ADI1: variants seen among roughly 807,000 people sequenced by gnomAD.
The protein encoded by ADI1 is acireductone dioxygenase 1.
A neutral mutation model predicts 18.7 loss-of-function variants in ADI1; 21 were observed. The ratio of observed to expected loss-of-function variants is 1.13; its 90% confidence interval spans 0.80 to 1.62. The LOEUF (loss-of-function observed/expected upper bound fraction) is 1.62. Ranked by LOEUF, ADI1 falls within the 40% of genes most tolerant of loss-of-function variation. The pLI is 0.00. For synonymous variants in ADI1, 90 were observed against 100.1 expected, an observed-to-expected ratio of 0.90 and a Z score of 0.60; for missense variants, 245 against 254.9, an observed-to-expected ratio of 0.96 and a Z score of 0.26.
At position 3,513,850 on chromosome 2, in the gene ADI1, C is replaced by T. The variant is rs898889350; in HGVS notation, c.240+7G>A. The T allele has an allele frequency of 6.3e-7, 1 of 1,595,770 alleles. No individual in the cohort carries two copies. Among genetic ancestry groups the T allele is most frequent in the African/African-American group, 1.4e-5 (1 of 73,712 alleles). ...CTTCTTTTCCAGGTAATCCAGGGCTCCCTTACCTTTTCTTCATAATTTGGT... is the reference window on the plus strand; with the variant it reads ...CTTCTTTTCCAGGTAATCCAGGGCTTCCTTACCTTTTCTTCATAATTTGGT... On this transcript the variant is annotated splice_region_variant and intron_variant, in intron 2 of 3. Coordinates refer to ENST00000327435, the MANE Select transcript of ADI1 (RefSeq NM_018269.4).
At chr2:3,510,273 C>T (rs1373874791) in intron 2 of ADI1, among the ~76,000 whole-genome samples, 19 of 151,988 alleles carry the variant, frequency 1.3e-4, no homozygotes. Flanking sequence ...TATGATTGCA[C>T]CACTGCACTT....
chr2:3,519,146 A>G (rs1171394234), intron 1 of ADI1: 12 of 496,242 alleles, frequency 2.4e-5, no homozygotes, highest in Non-Finnish European at 3.1e-5. Context: ...CAGCACACCC[A>G]GGCGCCGCGC....
At chr2:3,519,232 C>A (rs778208196) in intron 1 of ADI1, 136 bp downstream of exon 1, 22 of 1,256,834 alleles carry the variant, frequency 1.8e-5, no homozygotes, top group South Asian at 4.5e-5. Context: ...CCACGAACCC[C>A]CAAATCCCGC....
intron 3 of ADI1, among the ~76,000 whole-genome samples, chr2:3,499,732 T>TGCA (rs1426099694): frequency 6.6e-6 from 1 of 152,118 alleles, no homozygotes; most frequent in African/African-American, 2.4e-5. Context: ...CAGAGTACTG[T>TGCA]GCAGCTGTAA....
At chr2:3,500,700 C>A (rs556800258) in intron 3 of ADI1, 114 bp downstream of exon 3, 1 of 1,402,034 alleles carries the variant, frequency 7.1e-7, no homozygotes, top group Admixed American at 1.9e-5. Flanking sequence ...CGAGGAGTCC[C>A]GAGCCCAGCG....
At position 3,502,029 on chromosome 2, in the gene ADI1, ACACACACACACAC is replaced by A. The variant is rs1355329872; in HGVS notation, c.241-1049_241-1037del. Among the ~76,000 whole-genome samples, 68 of 102,710 alleles carry A rather than the reference ACACACACACACAC, an allele frequency of 6.6e-4. 1 individual carries two copies. Among genetic ancestry groups the A allele is most frequent in the East Asian group, 1.6e-3 (6 of 3,860 alleles). The allele number at this position is 102,710 out of a possible 152,430, so 67.4% of individuals were successfully genotyped here. The stretch of plus-strand genomic sequence containing the variant: ...CACACACACACACACACACACACAC[ACACACACACACAC>A]AGAGACAGGGTTTCACTCTGTTGCT... On this transcript the variant is annotated intron_variant, in intron 2 of 3. Transcript: ENST00000327435.
chr2:3,515,496 G>C (rs1247897307), intron 1 of ADI1: 2 of 152,418 alleles, frequency 1.3e-5, no homozygotes, highest in East Asian at 1.9e-4. Flanking sequence ...AATATGTGCA[G>C]CACTGAACAT....
chr2:3,501,356 C>T (rs980100646), intron 2 of ADI1, among the ~76,000 whole-genome samples: 2 of 152,024 alleles, frequency 1.3e-5, no homozygotes, highest in Admixed American at 6.5e-5. Context: ...AAGTCACTGG[C>T]CCAACCTCAC....
At chr2:3,503,222 C>T (rs890295393) in intron 2 of ADI1, among the ~76,000 whole-genome samples, 4 of 107,324 alleles carry the variant, frequency 3.7e-5, no homozygotes, top group African/African-American at 1.5e-4. Flanking sequence ...CATGCACACA[C>T]GTAACACTCT....
At chr2:3,513,434 G>C (rs1303858789) in intron 2 of ADI1, among the ~76,000 whole-genome samples, 1 of 152,196 alleles carries the variant, frequency 6.6e-6, no homozygotes, top group Non-Finnish European at 1.5e-5. Context: ...GAGGTGACTG[G>C]ATCATGAGGG....
At chr2:3,511,894 A>G (rs1193233416) in intron 2 of ADI1, among the ~76,000 whole-genome samples, 1 of 152,246 alleles carries the variant, frequency 6.6e-6, no homozygotes, top group Non-Finnish European at 1.5e-5. Context: ...CGTTTGCCTC[A>G]GCAAAGAACT....
intron 2 of ADI1, among the ~76,000 whole-genome samples, chr2:3,509,537 A>G (rs1052026148): frequency 1.3e-5 from 2 of 152,256 alleles, no homozygotes; most frequent in African/African-American, 4.8e-5. Context: ...AAATCCTCAA[A>G]TAATTGGAAA....
chr2:3,505,831 A>C (rs1304891200), intron 2 of ADI1, among the ~76,000 whole-genome samples: 1 of 152,152 alleles, frequency 6.6e-6, no homozygotes, highest in African/African-American at 2.4e-5. Context: ...ATGAGGGTGG[A>C]GCCCTCATGA....
chr2:3,500,690 C>G, intron 3 of ADI1, 124 bp downstream of exon 3: 1 of 1,257,936 alleles, frequency 7.9e-7, no homozygotes, highest in East Asian at 2.5e-5. Context: ...AAGCACAGGT[C>G]GAGGAGTCCC....
intron 3 of ADI1, chr2:3,500,527 GCCGCCGCATGTA>G: frequency 1.1e-5 from 2 of 183,182 alleles, no homozygotes; most frequent in South Asian, 1.3e-4. Context: ...GTGTGTACCT[GCCGCCGCATGTA>G]CCTGCCGCCG....
intron 3 of ADI1, among the ~76,000 whole-genome samples, chr2:3,499,600 G>C (rs144991849): frequency 1.3e-5 from 2 of 152,254 alleles, no homozygotes; most frequent in African/African-American, 4.8e-5. Context: ...GCATGTAAGG[G>C]TATTTATTAC....
intron 2 of ADI1, among the ~76,000 whole-genome samples, chr2:3,504,872 T>C (rs1188764295): frequency 1.3e-5 from 2 of 152,222 alleles, no homozygotes; most frequent in African/African-American, 4.8e-5. Context: ...TATGTTTGTA[T>C]TGTCGGTTCA....
intron 2 of ADI1, among the ~76,000 whole-genome samples, chr2:3,512,641 G>C (rs535032084): frequency 7.2e-5 from 11 of 152,366 alleles, no homozygotes; most frequent in Admixed American, 5.2e-4. Flanking sequence ...TCTCCACCTA[G>C]ATTTCAGAGA....
chr2:3,518,523 C>T (rs1182064010), intron 1 of ADI1, among the ~76,000 whole-genome samples: 2 of 152,236 alleles, frequency 1.3e-5, no homozygotes, highest in African/African-American at 4.8e-5. Context: ...CAAAGCCTAG[C>T]CCCGCCTTGC....
Sources: allele counts gnomAD v4.1 joint callset (sites outside exome capture counted in the v4.1 genomes callset), GRCh38; gene constraint gnomAD v4.1.1; transcripts MANE v1.5; gene names NCBI Gene and HGNC (gene_info 2026-07-23, HGNC 2026-07-21).